The following RARB variants were observed in gnomAD, a reference collection of about 807,000 sequenced individuals.
The protein encoded by RARB is HBV-activated protein.
In RARB, 17 loss-of-function variants were observed where a neutral mutation model predicts 51.9. The ratio of observed to expected loss-of-function variants is 0.33; its 90% CI spans 0.22 to 0.49. The LOEUF is 0.49. Ranked by LOEUF, RARB falls within the 20% of genes least tolerant of loss-of-function variation. The pLI, the probability that RARB is intolerant of heterozygous loss-of-function variation, is 0.99. For synonymous variants in RARB, 215 were observed against 195.4 expected (o/e 1.10, Z -0.84); for missense variants, 369 against 550.8 (o/e 0.67, Z 3.30).
intron 5 of RARB, among the ~76,000 whole-genome samples, chr3:25,226,054 C>T (rs1702049658): frequency 1.3e-5 from 2 of 152,122 alleles, no homozygotes; most frequent in South Asian, 4.1e-4. Flanking sequence ...GCAACCGTAG[C>T]CTTTTTAAGC....
At chr3:25,139,305 A>C (rs1700076271) in intron 4 of RARB, among the ~76,000 whole-genome samples, 1 of 152,212 alleles carries the variant, frequency 6.6e-6, no homozygotes, top group Non-Finnish European at 1.5e-5. Context: ...CTCTTGCACC[A>C]AACAGCCAAG....
At chr3:25,091,912 G>A (rs961664049) in intron 3 of RARB, among the ~76,000 whole-genome samples, 3 of 152,128 alleles carry the variant, frequency 2.0e-5, no homozygotes, top group Non-Finnish European at 2.9e-5. Flanking sequence ...TGGTTGAATC[G>A]GAAGATGTGT....
At chr3:24,982,623 A>G (rs188095674) in intron 2 of RARB, among the ~76,000 whole-genome samples, 242 of 152,326 alleles carry the variant, frequency 1.6e-3, no homozygotes, top group African/African-American at 5.7e-3. Context: ...GTGAAATCAG[A>G]GTACAAACAT....
At chr3:25,170,323 T>C (rs1320316823) in intron 4 of RARB, among the ~76,000 whole-genome samples, 3 of 152,198 alleles carry the variant, frequency 2.0e-5, no homozygotes, top group Non-Finnish European at 2.9e-5. Context: ...CAGAAGAAAT[T>C]TGCCAACCTC....
rs545206935 is a variant in RARB, at chr3:25,141,434, TTAGGTGGCCACTGA to T, written c.-280+9232_-280+9245del. The stretch of plus-strand genomic sequence containing the variant: ...ATTTGGGCTGACCCAATTTACCACT[TTAGGTGGCCACTGA>T]TAGGTAGAATGATCTGCCAATTTCA... On this transcript the variant is annotated intron_variant, in intron 4 of 11. Coordinates refer to the RARB transcript ENST00000383772. 1.3e-3 allele frequency among the ~76,000 whole-genome samples: 197 copies of T among 152,290 alleles called. 1 individual carries two copies. The highest frequency in any genetic ancestry group is 4.6e-3 in the African/African-American group (191 of 41,558).
Position 25,537,748 on chromosome 3 carries a change from T to C in RARB, c.449-32010T>C, listed in dbSNP as rs114941163. ...GCCTGGAGCAGAATCCCTCAGTTCA[T>C]AAAGCTGAGGACAGAAGTTTTAACT... On this transcript the variant is annotated intron_variant, in intron 3 of 7. Coordinates refer to ENST00000330688, the MANE Select transcript of RARB (RefSeq NM_000965.5). Among the ~76,000 whole-genome samples, 141 of 152,334 alleles carry C rather than the reference T, an allele frequency of 9.3e-4. 2 individuals are homozygous for C. Among genetic ancestry groups the C allele is most frequent in the African/African-American group, 2.9e-3 (122 of 41,582 alleles).
chr3:25,158,856 C>T (rs950449245), intron 4 of RARB, among the ~76,000 whole-genome samples: 1 of 152,046 alleles, frequency 6.6e-6, no homozygotes, highest in African/African-American at 2.4e-5. Context: ...TTTTCTAGGT[C>T]CTCAGAGTTC....
rs578056821 is a variant in RARB, at chr3:25,351,052, G to A, written c.179-110141G>A. On this transcript the variant is annotated intron_variant, in intron 5 of 11. Transcript: ENST00000383772. ...AAACATGAACCTGGCTTTATCTAAC[G>A]TCTTAGTTTTAAGGAATAAGCATCT... Among the ~76,000 whole-genome samples, 158 of 152,208 alleles carry A rather than the reference G, an allele frequency of 1.0e-3. 1 individual carries two copies. The highest frequency in any genetic ancestry group is 3.5e-3 in the Admixed American group (53 of 15,276).
chr3:25,329,222 C>A (rs1197925711), intron 5 of RARB, among the ~76,000 whole-genome samples: 1 of 152,222 alleles, frequency 6.6e-6, no homozygotes, highest in Non-Finnish European at 1.5e-5. Flanking sequence ...GACAGACTGC[C>A]TCCTCAAGTG....
chr3:25,255,825 C>T (rs1378918876), intron 5 of RARB, among the ~76,000 whole-genome samples: 1 of 151,744 alleles, frequency 6.6e-6, no homozygotes, highest in East Asian at 1.9e-4. Context: ...ATTTTTATAC[C>T]CTTGAGTCAA....
intron 2 of RARB, among the ~76,000 whole-genome samples, chr3:25,047,230 G>A (rs887906502): frequency 6.6e-6 from 1 of 152,108 alleles, no homozygotes; most frequent in South Asian, 2.1e-4. Context: ...AAACTATTTT[G>A]TGCCTGGGAG....
Position 24,851,363 on chromosome 3 carries a change from G to T in RARB, c.-458-7311G>T, listed in dbSNP as rs1354489534. Among the ~76,000 whole-genome samples, 8 of 151,974 alleles carry T rather than the reference G, an allele frequency of 5.3e-5. No individual in the cohort carries two copies. The East Asian group carries it at 1.5e-3, about 29-fold the overall frequency. ...AATGGCTTGATTCTGGGGAAGTCAA[G>T]GCTGCAGTGAGCTGTGATTATACCA... On this transcript the variant is annotated intron_variant, in intron 1 of 11. Transcript: ENST00000383772.
At chr3:25,350,375 G>A (rs1473750463) in intron 5 of RARB, among the ~76,000 whole-genome samples, 1 of 152,172 alleles carries the variant, frequency 6.6e-6, no homozygotes, top group Non-Finnish European at 1.5e-5. Context: ...GTTAATCTCA[G>A]GATGAACAAT....
chr3:25,305,820 A>G (rs1295710104), intron 5 of RARB, among the ~76,000 whole-genome samples: 4 of 152,222 alleles, frequency 2.6e-5, no homozygotes, highest in South Asian at 2.1e-4. Context: ...TTTGGGTGTT[A>G]TATTAGTGGT....
intron 5 of RARB, among the ~76,000 whole-genome samples, chr3:25,245,005 T>C (rs1419525193): frequency 6.6e-6 from 1 of 152,224 alleles, no homozygotes; most frequent in Non-Finnish European, 1.5e-5. Flanking sequence ...TGGGTGCATA[T>C]ATATTTAGAA....
chr3:25,015,743 G>C (rs1697494304), intron 2 of RARB, among the ~76,000 whole-genome samples: 1 of 152,136 alleles, frequency 6.6e-6, no homozygotes, highest in Non-Finnish European at 1.5e-5. Flanking sequence ...ACAGGAAGTA[G>C]ATTTAGTGCT....
chr3:25,581,212 C>T (rs981763250), intron 5 of RARB, among the ~76,000 whole-genome samples: 1 of 152,204 alleles, frequency 6.6e-6, no homozygotes, highest in Non-Finnish European at 1.5e-5. Context: ...ATTATAGTAA[C>T]TGTATTTGCT....
At chr3:25,301,022 G>A (rs187253241) in intron 5 of RARB, among the ~76,000 whole-genome samples, 1 of 152,172 alleles carries the variant, frequency 6.6e-6, no homozygotes, top group Non-Finnish European at 1.5e-5. Flanking sequence ...GATTTATAAT[G>A]GTTCAACTTA....
At chr3:24,842,729 T>C (rs1244700161) in intron 1 of RARB, among the ~76,000 whole-genome samples, 1 of 152,170 alleles carries the variant, frequency 6.6e-6, no homozygotes, top group East Asian at 1.9e-4. Flanking sequence ...ATTTGTAAGG[T>C]TTCTGACACT....
Sources: allele counts gnomAD v4.1 joint callset (sites outside exome capture counted in the v4.1 genomes callset), GRCh38; gene constraint gnomAD v4.1.1; transcripts MANE v1.5; gene names NCBI Gene and HGNC (gene_info 2026-07-23, HGNC 2026-07-21).